Variants in PITPNC1 observed in about 807,000 individuals in gnomAD.
PITPNC1 encodes phosphatidylinositol transfer protein cytoplasmic 1, also known as cytoplasmic phosphatidylinositol transfer protein 1.
In PITPNC1, 18 loss-of-function variants were observed where a neutral mutation model predicts 44.7. The ratio of observed to expected loss-of-function variants is 0.40; its 90% confidence interval spans 0.28 to 0.60. The LOEUF (loss-of-function observed/expected upper bound fraction) is 0.60. PITPNC1 is among the 20% of genes least tolerant of loss of function. The pLI is 0.39. For synonymous variants in PITPNC1, 141 were observed against 149.6 expected (o/e 0.94, Z 0.42); for missense variants, 290 against 418.4 (o/e 0.69, Z 2.68).
At chr17:67,545,131 G>A (rs1006609096) in intron 2 of PITPNC1, among the ~76,000 whole-genome samples, 6 of 152,002 alleles carry the variant, frequency 3.9e-5, no homozygotes, top group African/African-American at 1.2e-4. Flanking sequence ...GGGCAACATA[G>A]TGGGACTCTG....
At chr17:67,513,841 C>A (rs143461543) in intron 1 of PITPNC1, among the ~76,000 whole-genome samples, 1 of 152,044 alleles carries the variant, frequency 6.6e-6, no homozygotes. Flanking sequence ...TCTTTAAAAT[C>A]GTTATGGGAA....
intron 8 of PITPNC1, among the ~76,000 whole-genome samples, chr17:67,686,440 G>A (rs186029868): frequency 1.2e-3 from 175 of 152,068 alleles, no homozygotes; most frequent in African/African-American, 4.1e-3. Flanking sequence ...CAGTGTGGGT[G>A]GAAGTAGTGC....
At chr17:67,486,741 G>A (rs889006490) in intron 1 of PITPNC1, among the ~76,000 whole-genome samples, 3 of 152,170 alleles carry the variant, frequency 2.0e-5, no homozygotes, top group Non-Finnish European at 4.4e-5. Flanking sequence ...GGTGAGAGCA[G>A]ACAGTTAGGG....
chr17:67,664,686 T>A (rs1246192525), intron 6 of PITPNC1, among the ~76,000 whole-genome samples: 1 of 152,068 alleles, frequency 6.6e-6, no homozygotes, highest in Non-Finnish European at 1.5e-5. Flanking sequence ...GGCAGATCAC[T>A]TGAGGTCAGG....
At chr17:67,495,995 T>G (rs2039947644) in intron 1 of PITPNC1, among the ~76,000 whole-genome samples, 1 of 152,236 alleles carries the variant, frequency 6.6e-6, no homozygotes, top group Non-Finnish European at 1.5e-5. Context: ...TTGACCATTT[T>G]TTATTTATTT....
At chr17:67,408,419 A>C (rs566350262) in intron 1 of PITPNC1, among the ~76,000 whole-genome samples, 11 of 152,030 alleles carry the variant, frequency 7.2e-5, no homozygotes, top group South Asian at 6.2e-4. Context: ...AATCCCAGCT[A>C]CTCTGGAGGC....
intron 1 of PITPNC1, among the ~76,000 whole-genome samples, chr17:67,454,008 T>C (rs552845168): frequency 5.5e-4 from 83 of 152,282 alleles, no homozygotes; most frequent in South Asian, 4.1e-4. Context: ...GCCAGCATTT[T>C]GGGAGGCCAA....
chr17:67,692,866 C>T lies in PITPNC1; in HGVS notation c.977C>T (p.Pro326Leu). The T allele has an allele frequency of 1.2e-6, 2 of 1,604,872 alleles. No homozygotes were observed. Among genetic ancestry groups the T allele is most frequent in the Non-Finnish European group, 1.7e-6 (2 of 1,172,406 alleles). Residue 326 changes from proline (P) to leucine (L), a missense_variant, in exon 9 of 9, where the codon CCA becomes CTA. By Grantham distance (98) the Pro-to-Leu change is moderately conservative. Coordinates refer to ENST00000581322, the MANE Select transcript of PITPNC1 (RefSeq NM_012417.4). ...NLPGMHSSDK[P>L]CRPKSE ...CCCGGCATGCACTCTTCAGATAAGCCATGTCGGCCCAAATCTGAGTAACTT... is the reference window on the plus strand; with the variant it reads ...CCCGGCATGCACTCTTCAGATAAGCTATGTCGGCCCAAATCTGAGTAACTT...
At chr17:67,499,406 G>C (rs1250798531) in intron 1 of PITPNC1, among the ~76,000 whole-genome samples, 1 of 151,070 alleles carries the variant, frequency 6.6e-6, no homozygotes, top group African/African-American at 2.4e-5. Flanking sequence ...TGTAGAGACA[G>C]GGGTCTCACC....
intron 4 of PITPNC1, among the ~76,000 whole-genome samples, chr17:67,561,994 C>T (rs2040912738): frequency 6.6e-6 from 1 of 152,216 alleles, no homozygotes; most frequent in Admixed American, 6.5e-5. Context: ...TATCAGTATT[C>T]ATGAGCATCC....
At chr17:67,531,772 G>A (rs2040464745) in intron 1 of PITPNC1, among the ~76,000 whole-genome samples, 1 of 152,140 alleles carries the variant, frequency 6.6e-6, no homozygotes, top group Non-Finnish European at 1.5e-5. Context: ...CATCCCAGAG[G>A]CGTCGGTGGT....
chr17:67,477,464 C>T (rs1034045371), intron 1 of PITPNC1, among the ~76,000 whole-genome samples: 1 of 152,064 alleles, frequency 6.6e-6, no homozygotes, highest in African/African-American at 2.4e-5. Flanking sequence ...AAACTGGTCT[C>T]GAACTCCTGA....
chr17:67,682,505 T>C (rs2042729579), intron 8 of PITPNC1, among the ~76,000 whole-genome samples: 1 of 152,038 alleles, frequency 6.6e-6, no homozygotes, highest in South Asian at 2.1e-4. Flanking sequence ...TCTCCTCACC[T>C]GAAGGAGAGC....
intron 6 of PITPNC1, 167 bp downstream of exon 6, chr17:67,632,405 A>T (rs960489991): frequency 1.7e-6 from 1 of 603,668 alleles, no homozygotes. Flanking sequence ...TAAGTCTCTA[A>T]CTCTTCAGGG....
At chr17:67,490,112 CTGTGTGTG>C (rs71354073) in intron 1 of PITPNC1, among the ~76,000 whole-genome samples, 8,831 of 144,876 alleles carry the variant, frequency 0.061, 319 homozygotes, top group South Asian at 0.094. Context: ...ACAGGCTTTT[CTGTGTGTG>C]TGTGTGTGTG....
intron 4 of PITPNC1, among the ~76,000 whole-genome samples, chr17:67,555,672 C>CAAA (rs67935513): frequency 5.1e-5 from 4 of 78,154 alleles, no homozygotes; most frequent in African/African-American, 1.2e-4. Context: ...ACTAAAAATA[C>CAAA]AAAAAAAAAA....
chr17:67,633,105 T>C (rs1450459977), intron 6 of PITPNC1, among the ~76,000 whole-genome samples: 1 of 152,220 alleles, frequency 6.6e-6, no homozygotes, highest in Admixed American at 6.5e-5. Context: ...ATTTTATTAA[T>C]GGCTGCTGAC....
chr17:67,514,984 G>A (rs552661757), intron 1 of PITPNC1, among the ~76,000 whole-genome samples: 1 of 152,246 alleles, frequency 6.6e-6, no homozygotes, highest in South Asian at 2.1e-4. Flanking sequence ...AATGCCCCAC[G>A]TTGCCTTTAT....
At chr17:67,495,526 T>A (rs2039941429) in intron 1 of PITPNC1, among the ~76,000 whole-genome samples, 1 of 152,126 alleles carries the variant, frequency 6.6e-6, no homozygotes, top group African/African-American at 2.4e-5. Context: ...GATCCTCTCC[T>A]TCCTCCCACT....
Sources: gnomAD v4.1 joint callset for allele counts (sites outside exome capture counted in the v4.1 genomes callset) on GRCh38, gnomAD v4.1.1 for gene constraint, MANE v1.5 for transcripts, NCBI Gene and HGNC (gene_info 2026-07-23, HGNC 2026-07-21) for gene names.